Variants in CNTLN observed in about 807,000 individuals in gnomAD.
The protein encoded by CNTLN is centlein, centrosomal protein.
A neutral mutation model predicts 180.0 loss-of-function variants in CNTLN; 212 were observed. That is an observed-to-expected ratio of 1.18 (90% confidence interval 1.05 to 1.32). CNTLN has a LOEUF of 1.32. Among genes scored for constraint, CNTLN ranks in the 40% most tolerant of loss-of-function variants. CNTLN has a pLI of 0.00. For missense variants in CNTLN, 2,095 were observed against 1,610.9 expected, an observed-to-expected ratio of 1.30 and a Z score of -5.14; for synonymous variants, 722 against 563.1, an observed-to-expected ratio of 1.28 and a Z score of -3.99.
At chr9:17,181,052 G>A (rs978069359) in intron 2 of CNTLN, among the ~76,000 whole-genome samples, 11 of 152,022 alleles carry the variant, frequency 7.2e-5, no homozygotes, top group Admixed American at 6.6e-4. Flanking sequence ...ATTGTGTTCG[G>A]GTTTGTTCAG....
the CNTLN span, among the ~76,000 whole-genome samples, chr9:17,528,368 C>T: frequency 6.6e-6 from 1 of 152,264 alleles, no homozygotes; most frequent in South Asian, 2.1e-4. Context: ...GTCTTTCTTC[C>T]CCCTAATCCA....
At chr9:17,151,459 C>G (rs1818872604) in intron 2 of CNTLN, among the ~76,000 whole-genome samples, 1 of 152,052 alleles carries the variant, frequency 6.6e-6, no homozygotes, top group African/African-American at 2.4e-5. Flanking sequence ...TATGTGATTA[C>G]ATTTATTGAT....
intron 2 of CNTLN, among the ~76,000 whole-genome samples, chr9:17,193,650 C>A (rs1821933898): frequency 6.6e-6 from 1 of 152,226 alleles, no homozygotes; most frequent in Non-Finnish European, 1.5e-5. Flanking sequence ...GGGCTGGCAT[C>A]GAGTGTCAGC....
intron 13 of CNTLN, among the ~76,000 whole-genome samples, chr9:17,377,412 G>A (rs371782606): frequency 1.4e-4 from 21 of 152,030 alleles, no homozygotes; most frequent in African/African-American, 4.6e-4. Flanking sequence ...GTAGTGGTGC[G>A]TGCTTGTAAT....
intron 2 of CNTLN, among the ~76,000 whole-genome samples, chr9:17,214,436 A>C (rs948956773): frequency 2.0e-5 from 3 of 152,160 alleles, no homozygotes; most frequent in African/African-American, 7.2e-5. Flanking sequence ...TGTTATTCTG[A>C]TGGGCTTCCC....
intron 13 of CNTLN, among the ~76,000 whole-genome samples, chr9:17,368,680 G>A (rs1386233155): frequency 1.3e-5 from 2 of 152,166 alleles, no homozygotes; most frequent in African/African-American, 4.8e-5. Flanking sequence ...TTTGGGAGAA[G>A]GAAAGAAAAC....
the CNTLN span, among the ~76,000 whole-genome samples, chr9:17,526,013 G>A: frequency 3.3e-5 from 5 of 152,010 alleles, no homozygotes; most frequent in African/African-American, 1.2e-4. Flanking sequence ...TCGGCTCACT[G>A]CAAGCTCCGC....
Position 17,157,436 on chromosome 9 carries a change from G to T in CNTLN, c.449+14060G>T, listed in dbSNP as rs183627631. Reference sequence around the variant, plus strand: ...AAGCAAGGTGAAGGTAGAGAAAGGGGGTGGGGTAAGAGGAAGAAAGAAGAG... The same window carrying T: ...AAGCAAGGTGAAGGTAGAGAAAGGGTGTGGGGTAAGAGGAAGAAAGAAGAG... On this transcript the variant is annotated intron_variant, in intron 2 of 25. Coordinates refer to ENST00000380647, the MANE Select transcript of CNTLN (RefSeq NM_017738.4). Among the ~76,000 whole-genome samples, 3 of 152,212 alleles carry T rather than the reference G, an allele frequency of 2.0e-5. No individual in the cohort carries two copies. The East Asian group carries it at 5.8e-4, about 29-fold the overall frequency.
intron 14 of CNTLN, among the ~76,000 whole-genome samples, chr9:17,392,796 A>AT (rs1478152672): frequency 6.6e-6 from 1 of 152,110 alleles, no homozygotes; most frequent in African/African-American, 2.4e-5. Context: ...GAGGTTGAAC[A>AT]TTAAAAAAAA....
intron 7 of CNTLN, chr9:17,298,813 C>G: frequency 1.0e-6 from 1 of 986,068 alleles, no homozygotes; most frequent in Non-Finnish European, 1.2e-6. Context: ...CAGGATTTTT[C>G]TCTGTTTATT....
At chr9:17,419,065 A>G (rs1828492940) in intron 18 of CNTLN, among the ~76,000 whole-genome samples, 1 of 152,114 alleles carries the variant, frequency 6.6e-6, no homozygotes, top group Admixed American at 6.5e-5. Flanking sequence ...CCAAGATAAT[A>G]GATTTTTTAC....
At chr9:17,315,355 G>C (rs1819468722) in intron 8 of CNTLN, among the ~76,000 whole-genome samples, 1 of 151,980 alleles carries the variant, frequency 6.6e-6, no homozygotes. Flanking sequence ...TCTTATTGTT[G>C]CAACTTTAAC....
chr9:17,222,118 A>AAAAAAC (rs1215839215), intron 2 of CNTLN, among the ~76,000 whole-genome samples: 1 of 152,046 alleles, frequency 6.6e-6, no homozygotes, highest in Non-Finnish European at 1.5e-5. Flanking sequence ...CCATGTTTAA[A>AAAAAAC]AAAAACAAAA....
In CNTLN at chr9:17,309,439, A is replaced by G. The variant is rs1005098987; in HGVS notation, c.1341+187A>G. Among the ~76,000 whole-genome samples the G allele has an allele frequency of 5.9e-5, 9 of 152,250 alleles. No homozygotes were observed. In the South Asian group the frequency reaches 1.0e-3, roughly 18 times the overall value. On this transcript the variant is annotated intron_variant, in intron 8 of 25. Coordinates refer to ENST00000380647, the MANE Select transcript of CNTLN (RefSeq NM_017738.4). Reference sequence around the variant, plus strand: ...TGAATATTACATACAATACAAATTTATATAGAAGTGCATGTAGAAGTACAG... The same window carrying G: ...TGAATATTACATACAATACAAATTTGTATAGAAGTGCATGTAGAAGTACAG...
At chr9:17,222,397 T>A (rs901335608) in intron 2 of CNTLN, among the ~76,000 whole-genome samples, 2 of 152,034 alleles carry the variant, frequency 1.3e-5, no homozygotes, top group African/African-American at 4.8e-5. Context: ...ATTCCCAATG[T>A]GTTATGGAAA....
chr9:17,212,787 G>T (rs979913274), intron 2 of CNTLN, among the ~76,000 whole-genome samples: 4 of 152,130 alleles, frequency 2.6e-5, no homozygotes, highest in African/African-American at 9.7e-5. Context: ...TCTTCGGAGG[G>T]TGTATGTGTC....
chr9:17,511,648 TCACACACACACACACA>T, the CNTLN span, among the ~76,000 whole-genome samples: 1 of 146,582 alleles, frequency 6.8e-6, no homozygotes. Context: ...TCTCTCTCTC[TCACACACACACACACA>T]CACACACGCA....
chr9:17,144,588 G>C (rs1563817055), intron 2 of CNTLN, among the ~76,000 whole-genome samples: 1 of 151,632 alleles, frequency 6.6e-6, no homozygotes, highest in East Asian at 1.9e-4. Context: ...TTATTGTTAG[G>C]TCATTTTCCT....
chr9:17,410,867 C>A (rs1398862944), intron 16 of CNTLN, among the ~76,000 whole-genome samples: 1 of 152,092 alleles, frequency 6.6e-6, no homozygotes, highest in Non-Finnish European at 1.5e-5. Context: ...GCTTTTTCTT[C>A]TGTTCCTTCA....
Sources: gnomAD v4.1 joint callset for allele counts (sites outside exome capture counted in the v4.1 genomes callset) on GRCh38, gnomAD v4.1.1 for gene constraint, MANE v1.5 for transcripts, NCBI Gene and HGNC (gene_info 2026-07-23, HGNC 2026-07-21) for gene names.